The following SHISA9 variants were observed in gnomAD, a reference collection of about 807,000 sequenced individuals.
The protein encoded by SHISA9 is protein shisa-9.
SHISA9 carries 13 observed loss-of-function variants against 38.0 expected under a neutral mutation model. The ratio of observed to expected loss-of-function variants is 0.34; its 90% confidence interval spans 0.22 to 0.54. SHISA9 has a LOEUF of 0.54. Among genes scored for constraint, SHISA9 ranks in the 20% least tolerant of loss-of-function variants. The pLI is 0.91. For synonymous variants in SHISA9, 275 were observed against 242.0 expected (o/e 1.14, Z -1.27); for missense variants, 538 against 575.8 (o/e 0.93, Z 0.67).
the SHISA9 span, among the ~76,000 whole-genome samples, chr16:13,316,550 C>A: frequency 2.6e-5 from 4 of 152,150 alleles, no homozygotes; most frequent in African/African-American, 9.7e-5. Flanking sequence ...ATATTTTAAG[C>A]CAGTACCATG....
At chr16:13,182,941 A>G (rs554750089) in intron 2 of SHISA9, among the ~76,000 whole-genome samples, 11 of 152,332 alleles carry the variant, frequency 7.2e-5, no homozygotes, top group Admixed American at 3.3e-4. Flanking sequence ...GTCACCCTGA[A>G]GTTGCTTCTC....
chr16:13,429,221 CTT>C, the SHISA9 span, among the ~76,000 whole-genome samples: 3 of 152,150 alleles, frequency 2.0e-5, no homozygotes, highest in African/African-American at 7.2e-5. Flanking sequence ...GAGGAGCAAA[CTT>C]ATATTAATTT....
At chr16:13,163,827 C>T (rs1387730759) in intron 2 of SHISA9, among the ~76,000 whole-genome samples, 2 of 151,962 alleles carry the variant, frequency 1.3e-5, no homozygotes, top group African/African-American at 2.4e-5. Context: ...GGTATGTTAA[C>T]CTTGTGTCTT....
intron 2 of SHISA9, among the ~76,000 whole-genome samples, chr16:12,979,707 A>G (rs1274579833): frequency 6.6e-6 from 1 of 152,042 alleles, no homozygotes; most frequent in Non-Finnish European, 1.5e-5. Context: ...TTTATCTATA[A>G]CGTTGTGTGT....
At chr16:13,311,230 C>CATA in the SHISA9 span, among the ~76,000 whole-genome samples, 1 of 151,778 alleles carries the variant, frequency 6.6e-6, no homozygotes, top group African/African-American at 2.4e-5. Flanking sequence ...TTTATAGATA[C>CATA]ATATATATTT....
the SHISA9 span, among the ~76,000 whole-genome samples, chr16:13,279,159 TCAGGAC>T: frequency 6.6e-6 from 1 of 152,048 alleles, no homozygotes. Flanking sequence ...CATTGCTCAT[TCAGGAC>T]CAGGTTAGTT....
chr16:12,922,583 G>T (rs1430244429), intron 2 of SHISA9, among the ~76,000 whole-genome samples: 1 of 152,200 alleles, frequency 6.6e-6, no homozygotes, highest in African/African-American at 2.4e-5. Flanking sequence ...GCAGGGGCAC[G>T]ATCTTGGCTC....
chr16:13,083,238 C>T (rs1043921108), intron 2 of SHISA9, among the ~76,000 whole-genome samples: 3 of 152,190 alleles, frequency 2.0e-5, no homozygotes, highest in African/African-American at 7.2e-5. Context: ...GCTACTCCAA[C>T]AGGATGGAGA....
the SHISA9 span, among the ~76,000 whole-genome samples, chr16:13,507,691 C>T: frequency 6.6e-6 from 1 of 152,168 alleles, no homozygotes; most frequent in Admixed American, 6.5e-5. Context: ...AAGTCAAACA[C>T]AGTGAGAGGA....
chr16:13,166,477 ACTT>A (rs1250999277), intron 2 of SHISA9, among the ~76,000 whole-genome samples: 5 of 152,326 alleles, frequency 3.3e-5, no homozygotes, highest in East Asian at 3.9e-4. Context: ...TTTCCTAGCC[ACTT>A]CTTCTAATAA....
At chr16:12,914,296 G>A (rs573967629) in intron 1 of SHISA9, among the ~76,000 whole-genome samples, 21 of 151,878 alleles carry the variant, frequency 1.4e-4, no homozygotes, top group East Asian at 5.8e-4. Flanking sequence ...TGCCCACCTC[G>A]GCCTCCCAAA....
the SHISA9 span, among the ~76,000 whole-genome samples, chr16:13,282,624 T>G: frequency 6.6e-6 from 1 of 152,128 alleles, no homozygotes; most frequent in East Asian, 1.9e-4. Context: ...TTCAACTACA[T>G]GTATGTCAGA....
chr16:13,029,060 A>AT (rs988128728), intron 2 of SHISA9, among the ~76,000 whole-genome samples: 4 of 152,034 alleles, frequency 2.6e-5, no homozygotes, highest in Non-Finnish European at 4.4e-5. Flanking sequence ...TCCTTTTAAA[A>AT]TTTTTTTTAT....
the SHISA9 span, among the ~76,000 whole-genome samples, chr16:13,389,101 G>A: frequency 6.6e-6 from 1 of 152,100 alleles, no homozygotes; most frequent in Non-Finnish European, 1.5e-5. Flanking sequence ...CCAAGTCCAG[G>A]GTTCACTTTT....
At chr16:13,301,277 A>T in the SHISA9 span, among the ~76,000 whole-genome samples, 1 of 152,192 alleles carries the variant, frequency 6.6e-6, no homozygotes, top group East Asian at 1.9e-4. Context: ...TCCTATGGTG[A>T]TGGTTTGCAC....
At chr16:13,301,629 G>A in the SHISA9 span, among the ~76,000 whole-genome samples, 2 of 152,174 alleles carry the variant, frequency 1.3e-5, no homozygotes, top group Non-Finnish European at 2.9e-5. Flanking sequence ...CTTGAGAGGA[G>A]TTTGAAAGGG....
Position 13,235,506 on chromosome 16 carries a change from G to T in SHISA9, c.*97G>T. 1 of 1,351,208 alleles carries T rather than the reference G, an allele frequency of 7.4e-7. No homozygotes were observed. The allele number at this position is 1,351,208 out of a possible 1,614,324, so 83.7% of individuals were successfully genotyped here. ...CTCCCCATCCTCCCCTAATACATGC[G>T]TCCACACACTCACTCTCAACAAGAA... On this transcript the variant is annotated 3_prime_UTR_variant, in exon 5 of 5. Coordinates refer to ENST00000558583, the MANE Select transcript of SHISA9 (RefSeq NM_001145204.3).
At chr16:13,113,209 CAAAAAA>C (rs35316820) in intron 2 of SHISA9, among the ~76,000 whole-genome samples, 3 of 65,262 alleles carry the variant, frequency 4.6e-5, no homozygotes, top group Non-Finnish European at 8.5e-5. Flanking sequence ...GACTCCATCT[CAAAAAA>C]AAAAAAAAAA....
intron 2 of SHISA9, among the ~76,000 whole-genome samples, chr16:13,146,270 C>A (rs2050446775): frequency 6.6e-6 from 1 of 152,170 alleles, no homozygotes; most frequent in African/African-American, 2.4e-5. Context: ...ATGGACTAGG[C>A]TCTGAAATGA....
Sources: gnomAD v4.1 joint callset for allele counts (sites outside exome capture counted in the v4.1 genomes callset) on GRCh38, gnomAD v4.1.1 for gene constraint, MANE v1.5 for transcripts, NCBI Gene and HGNC (gene_info 2026-07-23, HGNC 2026-07-21) for gene names.